ANKS1B: variants seen among roughly 807,000 people sequenced by gnomAD.
The protein encoded by ANKS1B is ankyrin repeat and sterile alpha motif domain containing 1B, also known as ankyrin repeat and sterile alpha motif domain-containing protein 1B.
Under a neutral mutation model 148.3 loss-of-function variants are expected in ANKS1B, and 36 were observed. That is an observed-to-expected ratio of 0.24 (90% CI 0.19 to 0.32). The LOEUF (loss-of-function observed/expected upper bound fraction) is 0.32. Ranked by LOEUF, ANKS1B falls within the 10% of genes least tolerant of loss-of-function variation. The pLI is 1.00. For missense variants in ANKS1B, 1,157 were observed against 1,542.6 expected (o/e 0.75, Z 4.19); for synonymous variants, 542 against 560.8 (o/e 0.97, Z 0.47).
chr12:98,821,173 G>A (rs2099187070), intron 19 of ANKS1B, among the ~76,000 whole-genome samples: 1 of 152,176 alleles, frequency 6.6e-6, no homozygotes, highest in South Asian at 2.1e-4. Flanking sequence ...TCAGAGATGG[G>A]ATTTTTCACC....
chr12:99,422,383 A>G (rs1442215095), intron 11 of ANKS1B, among the ~76,000 whole-genome samples: 1 of 152,212 alleles, frequency 6.6e-6, no homozygotes, highest in African/African-American at 2.4e-5. Context: ...GCTATGAAAG[A>G]GGAAGGTGAA....
At chr12:98,964,192 A>G (rs2099875835) in intron 17 of ANKS1B, among the ~76,000 whole-genome samples, 1 of 152,252 alleles carries the variant, frequency 6.6e-6, no homozygotes, top group South Asian at 2.1e-4. Flanking sequence ...AGGCATATGA[A>G]AAGGTGCTCA....
intron 9 of ANKS1B, among the ~76,000 whole-genome samples, chr12:99,507,997 A>T (rs960505456): frequency 2.6e-5 from 4 of 151,742 alleles, no homozygotes; most frequent in Non-Finnish European, 5.9e-5. Context: ...AATTGCTTGG[A>T]CTGTGTTAAA....
At chr12:99,470,651 A>T (rs560839058) in intron 10 of ANKS1B, among the ~76,000 whole-genome samples, 3 of 152,302 alleles carry the variant, frequency 2.0e-5, no homozygotes, top group Non-Finnish European at 4.4e-5. Flanking sequence ...TATGCTAACA[A>T]GAGTGTGCAC....
At chr12:98,736,279 T>C (rs990082949) in intron 9 of ANKS1B, among the ~76,000 whole-genome samples, 21 of 152,106 alleles carry the variant, frequency 1.4e-4, no homozygotes, top group African/African-American at 5.1e-4. Context: ...CAGACTAGGG[T>C]GGCAGCAGCA....
intron 9 of ANKS1B, among the ~76,000 whole-genome samples, chr12:99,650,666 CT>C (rs1267870383): frequency 1.3e-5 from 2 of 152,088 alleles, no homozygotes; most frequent in Non-Finnish European, 2.9e-5. Flanking sequence ...AAATTTCAAT[CT>C]AGTTACAATG....
intron 2 of ANKS1B, among the ~76,000 whole-genome samples, chr12:99,823,507 C>T (rs950645544): frequency 1.3e-5 from 2 of 152,052 alleles, no homozygotes; most frequent in Non-Finnish European, 2.9e-5. Context: ...GGTTTTGCCA[C>T]ATTGGTCAGG....
intron 17 of ANKS1B, among the ~76,000 whole-genome samples, chr12:98,981,753 C>T (rs899143872): frequency 6.6e-6 from 1 of 152,202 alleles, no homozygotes; most frequent in Non-Finnish European, 1.5e-5. Flanking sequence ...TTACAGAAAC[C>T]ATGAGACCTT....
intron 15 of ANKS1B, among the ~76,000 whole-genome samples, chr12:99,089,939 G>T (rs1261404639): frequency 1.3e-5 from 2 of 152,162 alleles, no homozygotes; most frequent in Non-Finnish European, 2.9e-5. Flanking sequence ...CCCAAATGCA[G>T]TATTTTTAGA....
intron 1 of ANKS1B, among the ~76,000 whole-genome samples, chr12:99,936,664 T>G (rs1269585931): frequency 6.6e-6 from 1 of 152,184 alleles, no homozygotes; most frequent in Non-Finnish European, 1.5e-5. Context: ...GCTGTACTCT[T>G]GGCTGCCTTG....
intron 12 of ANKS1B, among the ~76,000 whole-genome samples, chr12:99,317,460 CTGTT>C (rs1268408907): frequency 4.6e-5 from 7 of 152,096 alleles, no homozygotes; most frequent in Non-Finnish European, 7.4e-5. Context: ...ATTTGGCTCT[CTGTT>C]TGTCTGTGAT....
At chr12:99,176,762 C>T (rs751230327) in intron 14 of ANKS1B, among the ~76,000 whole-genome samples, 3 of 152,070 alleles carry the variant, frequency 2.0e-5, no homozygotes, top group African/African-American at 2.4e-5. Context: ...ATCTCTCTCT[C>T]GATCCCATTT....
intron 1 of ANKS1B, among the ~76,000 whole-genome samples, chr12:99,894,049 G>A (rs1439583631): frequency 6.6e-6 from 1 of 151,904 alleles, no homozygotes; most frequent in Non-Finnish European, 1.5e-5. Flanking sequence ...GTGAAAACCT[G>A]AAGAGATTTG....
intron 1 of ANKS1B, among the ~76,000 whole-genome samples, chr12:99,978,547 A>G (rs1023294227): frequency 1.3e-5 from 2 of 152,232 alleles, no homozygotes; most frequent in Non-Finnish European, 2.9e-5. Context: ...TTATAGATAT[A>G]ACATTTTCAT....
intron 16 of ANKS1B, among the ~76,000 whole-genome samples, chr12:99,070,730 G>C (rs774614835): frequency 1.3e-5 from 2 of 152,158 alleles, no homozygotes; most frequent in Non-Finnish European, 2.9e-5. Flanking sequence ...CCAGACTGGA[G>C]TGCAGTGGTG....
intron 8 of ANKS1B, among the ~76,000 whole-genome samples, chr12:99,734,114 T>C (rs2059406842): frequency 6.6e-6 from 1 of 152,224 alleles, no homozygotes; most frequent in Non-Finnish European, 1.5e-5. Flanking sequence ...GAATATTCCA[T>C]GAGGCATTAC....
chr12:99,232,973 A>G (rs1188901012), intron 14 of ANKS1B, among the ~76,000 whole-genome samples: 1 of 152,104 alleles, frequency 6.6e-6, no homozygotes, highest in Non-Finnish European at 1.5e-5. Context: ...AATTTTTTGA[A>G]CACCTACATG....
At chr12:98,780,720 A>G (rs1453427620) in intron 24 of ANKS1B, among the ~76,000 whole-genome samples, 1 of 152,204 alleles carries the variant, frequency 6.6e-6, no homozygotes, top group East Asian at 1.9e-4. Context: ...TTATCTAGTA[A>G]CATCTCCTCT....
At chr12:99,699,493 C>T (rs1005309643) in intron 8 of ANKS1B, among the ~76,000 whole-genome samples, 3 of 152,110 alleles carry the variant, frequency 2.0e-5, no homozygotes, top group South Asian at 2.1e-4. Context: ...TTAAGAAATA[C>T]CAACAATAAT....
Sources: allele counts gnomAD v4.1 joint callset (sites outside exome capture counted in the v4.1 genomes callset), GRCh38; gene constraint gnomAD v4.1.1; transcripts MANE v1.5; gene names NCBI Gene and HGNC (gene_info 2026-07-23, HGNC 2026-07-21).